The following FSTL4 variants were observed in gnomAD, a reference collection of about 807,000 sequenced individuals.
The protein encoded by FSTL4 is follistatin-related protein 4.
In FSTL4, 28 loss-of-function variants were observed where a neutral mutation model predicts 78.2. The ratio of observed to expected loss-of-function variants is 0.36; its 90% CI spans 0.27 to 0.49. The LOEUF (loss-of-function observed/expected upper bound fraction) is 0.49, where lower values mean the gene tolerates loss of function less well. Among genes scored for constraint, FSTL4 ranks in the 20% least tolerant of loss-of-function variants. FSTL4 has a pLI of 0.98. For synonymous variants in FSTL4, 422 were observed against 440.5 expected (o/e 0.96, Z 0.53); for missense variants, 922 against 1,084.9 (o/e 0.85, Z 2.11).
At chr5:133,349,126 C>T (rs981680804) in intron 4 of FSTL4, among the ~76,000 whole-genome samples, 1 of 152,186 alleles carries the variant, frequency 6.6e-6, no homozygotes. Context: ...CTTGTGACAA[C>T]TTCAGTCCTC....
chr5:133,312,864 T>C, intron 5 of FSTL4, 87 bp from the exon 6 acceptor site: 22,082 of 911,368 alleles, frequency 0.024, no homozygotes, highest in Non-Finnish European at 0.035. Context: ...CAAGAGGGAA[T>C]CCAGGGACAG....
At chr5:133,615,597 T>C (rs1040966041), upstream of FSTL4, among the ~76,000 whole-genome samples, 4 of 152,238 alleles carry the variant, frequency 2.6e-5, no homozygotes, top group African/African-American at 9.6e-5. Context: ...TTATAGAAGT[T>C]CAGTTATTCT....
intron 4 of FSTL4, among the ~76,000 whole-genome samples, chr5:133,397,675 C>T (rs62374568): frequency 0.011 from 1,678 of 152,236 alleles, 13 homozygotes; most frequent in South Asian, 0.022. Context: ...TGGCCACAGA[C>T]GGGAGCTCTG....
At chr5:133,376,135 A>G (rs1755430544) in intron 4 of FSTL4, among the ~76,000 whole-genome samples, 1 of 152,234 alleles carries the variant, frequency 6.6e-6, no homozygotes, top group Non-Finnish European at 1.5e-5. Context: ...GCTCTCAAAG[A>G]AGAAGGACAA....
the FSTL4 span, among the ~76,000 whole-genome samples, chr5:133,792,408 T>C: frequency 6.6e-6 from 1 of 152,212 alleles, no homozygotes; most frequent in Non-Finnish European, 1.5e-5. Flanking sequence ...GATGGAATAA[T>C]ACATATGATC....
At chr5:133,340,061 C>A (rs6880320) in intron 4 of FSTL4, among the ~76,000 whole-genome samples, 5,380 of 152,152 alleles carry the variant, frequency 0.035, 202 homozygotes, top group African/African-American at 0.1. Flanking sequence ...TGTTTCCCCC[C>A]ACACTCGTGT....
At chr5:133,600,139 T>C (rs1029243558) in intron 2 of FSTL4, among the ~76,000 whole-genome samples, 12 of 152,214 alleles carry the variant, frequency 7.9e-5, no homozygotes, top group African/African-American at 2.9e-4. Flanking sequence ...TACTTTTAAG[T>C]GCCCATACAT....
chr5:133,649,865 G>T, the FSTL4 span, among the ~76,000 whole-genome samples: 1 of 151,936 alleles, frequency 6.6e-6, no homozygotes, highest in Admixed American at 6.6e-5. Flanking sequence ...TTTCAATGAA[G>T]TTCAGTATTT....
the FSTL4 span, among the ~76,000 whole-genome samples, chr5:133,700,738 G>A: frequency 1.3e-4 from 20 of 152,180 alleles, no homozygotes; most frequent in East Asian, 3.8e-4. Context: ...TCAGGGCCTC[G>A]GGTTTCTCAT....
chr5:133,265,041 T>C (rs1752612577), intron 6 of FSTL4, among the ~76,000 whole-genome samples: 1 of 152,166 alleles, frequency 6.6e-6, no homozygotes, highest in Non-Finnish European at 1.5e-5. Flanking sequence ...TTTCTCTTCA[T>C]CCCCTCTGTG....
intron 11 of FSTL4, among the ~76,000 whole-genome samples, chr5:133,221,909 T>TTTTTTG (rs1751134967): frequency 8.7e-6 from 1 of 114,460 alleles, no homozygotes; most frequent in African/African-American, 4.4e-5. Context: ...TTTTTTTTTT[T>TTTTTTG]TTTTTTTTTT....
chr5:133,314,321 T>C lies in FSTL4; in HGVS notation c.604-1544A>G, dbSNP rs949729925. On this transcript the variant is annotated intron_variant, in intron 5 of 15. Transcript: ENST00000265342. ...CCTAGTGCTGATGGAGGTGGTGACA[T>C]GCTGGCAGGGCGGTTGCCCCGGGGG... is the stretch of plus-strand genomic sequence containing the variant. Among the ~76,000 whole-genome samples, 11 of 152,194 alleles carry C rather than the reference T, an allele frequency of 7.2e-5. 1 individual carries two copies. Among genetic ancestry groups the C allele is most frequent in the African/African-American group, 2.4e-4 (10 of 41,458 alleles).
intron 6 of FSTL4, among the ~76,000 whole-genome samples, chr5:133,265,665 A>G (rs1752626156): frequency 6.6e-6 from 1 of 152,198 alleles, no homozygotes. Flanking sequence ...ATTGGCCTGT[A>G]GTCTGAACGC....
At chr5:133,235,388 A>G (rs1200431800) in intron 7 of FSTL4, among the ~76,000 whole-genome samples, 1 of 151,446 alleles carries the variant, frequency 6.6e-6, no homozygotes, top group East Asian at 1.9e-4. Context: ...AGTCCCAGCT[A>G]CTCAGGAGGC....
chr5:133,270,489 T>C (rs1752744127), intron 6 of FSTL4, among the ~76,000 whole-genome samples: 2 of 152,148 alleles, frequency 1.3e-5, no homozygotes, highest in African/African-American at 4.8e-5. Context: ...TGAAACGGCG[T>C]GGCAGCTGAA....
chr5:133,647,811 C>T, the FSTL4 span, among the ~76,000 whole-genome samples: 3 of 152,282 alleles, frequency 2.0e-5, no homozygotes, highest in Middle Eastern at 0.01. Context: ...TAGATCTTAG[C>T]AGTAATAACT....
the FSTL4 span, among the ~76,000 whole-genome samples, chr5:133,669,207 T>TA: frequency 6.6e-6 from 1 of 152,278 alleles, no homozygotes; most frequent in East Asian, 1.9e-4. Context: ...GCTTCTCTTC[T>TA]AAAATCCACA....
intron 3 of FSTL4, among the ~76,000 whole-genome samples, chr5:133,556,002 C>T (rs1759778555): frequency 6.6e-6 from 1 of 152,192 alleles, no homozygotes; most frequent in Admixed American, 6.5e-5. Context: ...AGTTGGGGTT[C>T]TCTACTCCCC....
intron 6 of FSTL4, among the ~76,000 whole-genome samples, chr5:133,257,573 G>A (rs547545432): frequency 6.6e-6 from 1 of 152,236 alleles, no homozygotes; most frequent in South Asian, 2.1e-4. Flanking sequence ...CAGGAAGTTA[G>A]AGCAGAACTC....
Sources: allele counts gnomAD v4.1 joint callset (sites outside exome capture counted in the v4.1 genomes callset), GRCh38; gene constraint gnomAD v4.1.1; transcripts MANE v1.5; gene names NCBI Gene and HGNC (gene_info 2026-07-23, HGNC 2026-07-21).